The following COG7 variants were observed in gnomAD, a reference collection of about 807,000 sequenced individuals.
COG7 encodes the protein component of oligomeric golgi complex 7.
Under a neutral mutation model 91.5 loss-of-function variants are expected in COG7, and 49 were observed. The ratio of observed to expected loss-of-function variants is 0.54; its 90% CI spans 0.43 to 0.68. The LOEUF is 0.68. COG7 is among the 30% of genes least tolerant of loss of function. The pLI is 0.00. For missense variants in COG7, 895 were observed against 961.3 expected (o/e 0.93, Z 0.91); for synonymous variants, 365 against 388.7 (o/e 0.94, Z 0.72).
chr16:23,444,405 C>A (rs1420444273), intron 3 of COG7, among the ~76,000 whole-genome samples: 1 of 151,960 alleles, frequency 6.6e-6, no homozygotes, highest in Non-Finnish European at 1.5e-5. Context: ...GGGTCAATAA[C>A]CCACCAAGTC....
chr16:23,390,354 CA>C, intron 16 of COG7: 1 of 152,380 alleles, frequency 6.6e-6, no homozygotes, highest in East Asian at 1.9e-4. Flanking sequence ...AGGCGCCTAC[CA>C]CCACGCCTGG....
intron 4 of COG7, among the ~76,000 whole-genome samples, chr16:23,438,684 C>G (rs1371245647): frequency 6.6e-6 from 1 of 151,474 alleles, no homozygotes; most frequent in Non-Finnish European, 1.5e-5. Context: ...GAATGAAAAT[C>G]AAAACCATAA....
intron 7 of COG7, among the ~76,000 whole-genome samples, chr16:23,419,433 C>T (rs1963714559): frequency 6.7e-6 from 1 of 149,634 alleles, no homozygotes. Context: ...AAAAGATAAC[C>T]CTCATCAAGG....
intron 4 of COG7, among the ~76,000 whole-genome samples, chr16:23,442,097 G>A (rs1964110218): frequency 6.6e-6 from 1 of 152,098 alleles, no homozygotes; most frequent in African/African-American, 2.4e-5. Flanking sequence ...ACTTTGGGAG[G>A]CCGAGGCGAG....
chr16:23,394,298 A>C (rs760314868), intron 14 of COG7, among the ~76,000 whole-genome samples: 2 of 152,228 alleles, frequency 1.3e-5, no homozygotes, highest in African/African-American at 4.8e-5. Context: ...CATTTAGGAC[A>C]TGCCCACAAT....
intron 7 of COG7, among the ~76,000 whole-genome samples, chr16:23,422,516 AAT>A (rs761669174): frequency 1.2e-3 from 183 of 148,992 alleles, no homozygotes; most frequent in Admixed American, 3.1e-3. Context: ...TAATATATTT[AAT>A]ATGTTATGTA....
At chr16:23,391,941 GATGGAGAAGAGAGC>G (rs1963204218) in intron 16 of COG7, 10 of 1,048,928 alleles carry the variant, frequency 9.5e-6, no homozygotes, top group Non-Finnish European at 1.2e-5. Context: ...CTATCGGTAT[GATGGAGAAGAGAGC>G]ACCCACCTCA....
intron 7 of COG7, among the ~76,000 whole-genome samples, chr16:23,423,422 C>T (rs1386943011): frequency 5.3e-5 from 8 of 152,224 alleles, no homozygotes; most frequent in African/African-American, 1.9e-4. Flanking sequence ...TTCCCCACTA[C>T]ATCCATCCCC....
intron 9 of COG7, chr16:23,416,689 CT>C (rs1567336545): frequency 8.6e-5 from 41 of 478,378 alleles, no homozygotes; most frequent in Middle Eastern, 5.9e-4. Context: ...TCTAAGGTTT[CT>C]TTTTTTTTCT....
chr16:23,394,230 A>T (rs1963247742), intron 14 of COG7, among the ~76,000 whole-genome samples: 1 of 152,326 alleles, frequency 6.6e-6, no homozygotes, highest in African/African-American at 2.4e-5. Flanking sequence ...AACTAAAGAT[A>T]GACAAAACCT....
chr16:23,423,894 G>A (rs921806052), intron 7 of COG7, among the ~76,000 whole-genome samples: 12 of 152,188 alleles, frequency 7.9e-5, no homozygotes, highest in Non-Finnish European at 1.5e-4. Flanking sequence ...CCAAATGGGA[G>A]TAAGGGGTGC....
chr16:23,446,445 C>CTTTTTTTTTTTT (rs34254755), intron 1 of COG7: 1 of 112,556 alleles, frequency 8.9e-6, no homozygotes, highest in African/African-American at 3.7e-5. Context: ...TTTCCATGGT[C>CTTTTTTTTTTTT]TTTTTTTTTT....
intron 7 of COG7, among the ~76,000 whole-genome samples, chr16:23,422,138 T>G (rs1375783790): frequency 6.6e-6 from 1 of 151,956 alleles, no homozygotes; most frequent in Non-Finnish European, 1.5e-5. Flanking sequence ...AGGAAGACCC[T>G]GTCTCTACAA....
At chr16:23,434,829 T>C (rs1963990087) in intron 4 of COG7, 111 bp from the exon 5 acceptor site, 1 of 744,958 alleles carries the variant, frequency 1.3e-6, no homozygotes, top group Non-Finnish European at 2.4e-6. Context: ...CACAAGTTCC[T>C]GCCTAGATAC....
intron 16 of COG7, chr16:23,392,060 T>C (rs1333985712): frequency 2.4e-6 from 3 of 1,262,726 alleles, no homozygotes; most frequent in African/African-American, 3.1e-5. Flanking sequence ...TAAACACTGG[T>C]TGGGAATTAT....
chr16:23,441,203 C>T (rs1411156107), intron 4 of COG7, among the ~76,000 whole-genome samples: 1 of 152,162 alleles, frequency 6.6e-6, no homozygotes, highest in Non-Finnish European at 1.5e-5. Context: ...TACTAAACTA[C>T]AAGGTAAAAG....
At chr16:23,446,362 A>G (rs979487101) in intron 1 of COG7, 6 of 276,320 alleles carry the variant, frequency 2.2e-5, no homozygotes, top group African/African-American at 1.4e-4. Flanking sequence ...AAACTCAGAG[A>G]GGTTAAAGTA....
chr16:23,420,396 T>A (rs1963735000), intron 7 of COG7, among the ~76,000 whole-genome samples: 1 of 152,182 alleles, frequency 6.6e-6, no homozygotes, highest in South Asian at 2.1e-4. Context: ...CTTACTGGTA[T>A]CCTCACATCC....
chr16:23,409,110 T>C (rs1963521265), intron 11 of COG7, among the ~76,000 whole-genome samples: 1 of 138,332 alleles, frequency 7.2e-6, no homozygotes, highest in South Asian at 2.3e-4. Context: ...TGTGTGTGTG[T>C]GTGTGTATGT....
Sources: gnomAD v4.1 joint callset for allele counts (sites outside exome capture counted in the v4.1 genomes callset) on GRCh38, gnomAD v4.1.1 for gene constraint, MANE v1.5 for transcripts, NCBI Gene and HGNC (gene_info 2026-07-23, HGNC 2026-07-21) for gene names.